CSMD1: variants seen among roughly 807,000 people sequenced by gnomAD.
CSMD1 encodes CUB and Sushi multiple domains 1, also known as CUB and sushi domain-containing protein 1.
CSMD1 carries 213 observed loss-of-function variants against 417.5 expected under a neutral mutation model. That is an observed-to-expected ratio of 0.51 (90% confidence interval 0.46 to 0.57). The LOEUF is 0.57. Ranked by LOEUF, CSMD1 falls within the 20% of genes least tolerant of loss-of-function variation. CSMD1 has a pLI of 0.00. For synonymous variants in CSMD1, 2,862 were observed against 1,736.8 expected (o/e 1.65, Z -16.11); for missense variants, 6,923 against 4,529.7 (o/e 1.53, Z -15.17).
At chr8:4,010,580 G>T (rs1287320275) in intron 4 of CSMD1, among the ~76,000 whole-genome samples, 3 of 151,172 alleles carry the variant, frequency 2.0e-5, no homozygotes, top group African/African-American at 4.9e-5. Flanking sequence ...TTCTACAGCT[G>T]CAGTCTGACT....
At chr8:3,842,926 G>T (rs1202988461) in intron 5 of CSMD1, among the ~76,000 whole-genome samples, 1 of 152,116 alleles carries the variant, frequency 6.6e-6, no homozygotes, top group African/African-American at 2.4e-5. Flanking sequence ...ACGCACTGAA[G>T]ATGTTCCTAG....
chr8:3,418,403 T>C (rs1471910786), intron 12 of CSMD1, among the ~76,000 whole-genome samples: 1 of 152,196 alleles, frequency 6.6e-6, no homozygotes, highest in Non-Finnish European at 1.5e-5. Context: ...TTGTTGGTGA[T>C]CCTGCCCAGA....
At position 4,376,715 on chromosome 8, in the gene CSMD1, T is replaced by C. The variant is rs150109004; in HGVS notation, c.415+43238A>G. ...TAATTCTTTAATCTTTGCAAACTGATTGCATTTTAACTTGCACTGCTTTAT... is the reference window on the plus strand; with the variant it reads ...TAATTCTTTAATCTTTGCAAACTGACTGCATTTTAACTTGCACTGCTTTAT... On this transcript the variant is annotated intron_variant, in intron 3 of 69. Coordinates refer to ENST00000635120, the MANE Select transcript of CSMD1 (RefSeq NM_033225.6). Among the ~76,000 whole-genome samples, 311 of 152,338 alleles carry C rather than the reference T, an allele frequency of 2.0e-3. 1 individual carries two copies. Among genetic ancestry groups the C allele is most frequent in the African/African-American group, 7.0e-3 (290 of 41,580 alleles).
intron 18 of CSMD1, chr8:3,375,330 T>A (rs1365683659): frequency 6.6e-6 from 1 of 152,216 alleles, no homozygotes; most frequent in Non-Finnish European, 1.5e-5. Context: ...TCTGCAAGTC[T>A]GCCTCTTCCT....
chr8:4,035,152 C>T (rs1022126658), intron 3 of CSMD1, among the ~76,000 whole-genome samples: 2 of 150,958 alleles, frequency 1.3e-5, no homozygotes, highest in Admixed American at 1.3e-4. Flanking sequence ...AACATCGGTC[C>T]CAGGAGATGA....
intron 1 of CSMD1, among the ~76,000 whole-genome samples, chr8:4,672,281 C>G (rs1025510953): frequency 1.3e-5 from 2 of 152,122 alleles, no homozygotes; most frequent in African/African-American, 4.8e-5. Flanking sequence ...CTCTTGTGCT[C>G]TCCCAAATGA....
rs541826626 is a variant in CSMD1, at chr8:4,581,747, A to C, written c.302+55595T>G. 3.9e-3 allele frequency among the ~76,000 whole-genome samples: 592 copies of C among 152,336 alleles called. 4 individuals carry two copies. Among genetic ancestry groups the C allele is most frequent in the South Asian group, 0.019 (91 of 4,832 alleles). The stretch of plus-strand genomic sequence containing the variant: ...AGAATTCCCAGAGGGCCCTCACCTC[A>C]GACCAACAAGACCATCTTGGCAGAC... On this transcript the variant is annotated intron_variant, in intron 2 of 69. Coordinates refer to ENST00000635120, the MANE Select transcript of CSMD1 (RefSeq NM_033225.6).
chr8:4,310,840 T>G (rs1159441326), intron 3 of CSMD1, among the ~76,000 whole-genome samples: 2 of 152,066 alleles, frequency 1.3e-5, no homozygotes, highest in African/African-American at 2.4e-5. Context: ...CAAGACTATC[T>G]CAAAAGAAAT....
intron 2 of CSMD1, among the ~76,000 whole-genome samples, chr8:4,519,594 G>A (rs1166675874): frequency 2.0e-5 from 3 of 151,070 alleles, no homozygotes; most frequent in Non-Finnish European, 2.9e-5. Flanking sequence ...ACCAAAATTA[G>A]CCCGACATGG....
rs180980050 is a variant in CSMD1, at chr8:4,294,904, A to T, written c.415+125049T>A. On this transcript the variant is annotated intron_variant, in intron 3 of 69. Coordinates refer to ENST00000635120, the MANE Select transcript of CSMD1 (RefSeq NM_033225.6). ...GTAGCTGTCAATGTGTATGGAACGA[A>T]AGCCTCAGGTAACCATGTGGTCCTA... Among the ~76,000 whole-genome samples, 16 of 151,840 alleles carry T rather than the reference A, an allele frequency of 1.1e-4. No individual in the cohort carries two copies. In the East Asian group the frequency reaches 2.7e-3, roughly 26 times the overall value.
intron 2 of CSMD1, among the ~76,000 whole-genome samples, chr8:4,543,820 C>A (rs1797516114): frequency 6.6e-6 from 1 of 151,838 alleles, no homozygotes; most frequent in Non-Finnish European, 1.5e-5. Context: ...TGAATTTTAA[C>A]CATTCTACTA....
At chr8:3,448,670 G>A (rs1254602280) in intron 12 of CSMD1, among the ~76,000 whole-genome samples, 2 of 152,062 alleles carry the variant, frequency 1.3e-5, no homozygotes, top group Non-Finnish European at 1.5e-5. Context: ...GGCCAAGTGG[G>A]CATGACCCAT....
intron 1 of CSMD1, among the ~76,000 whole-genome samples, chr8:4,831,457 C>T (rs1431256010): frequency 1.3e-5 from 2 of 152,082 alleles, no homozygotes; most frequent in African/African-American, 2.4e-5. Context: ...ATTCTATGTG[C>T]CAAGCATTTT....
At chr8:3,878,537 G>A (rs1450057750) in intron 5 of CSMD1, among the ~76,000 whole-genome samples, 1 of 152,108 alleles carries the variant, frequency 6.6e-6, no homozygotes, top group African/African-American at 2.4e-5. Context: ...AAATGAAAAA[G>A]GAAATTATAT....
intron 3 of CSMD1, among the ~76,000 whole-genome samples, chr8:4,113,092 A>G (rs1801943168): frequency 1.3e-5 from 2 of 152,166 alleles, no homozygotes; most frequent in Non-Finnish European, 2.9e-5. Context: ...GTGAACTTAA[A>G]TGATTAATGT....
intron 5 of CSMD1, among the ~76,000 whole-genome samples, chr8:3,755,359 G>A (rs1050745079): frequency 6.6e-6 from 1 of 152,192 alleles, no homozygotes; most frequent in Non-Finnish European, 1.5e-5. Flanking sequence ...ACATGTAAAT[G>A]TACCTGAAGC....
chr8:4,306,504 A>T (rs78568258), intron 3 of CSMD1, among the ~76,000 whole-genome samples: 114,761 of 151,908 alleles, frequency 0.76, 43,472 homozygotes, highest in East Asian at 0.85. Flanking sequence ...TCATTTCTAG[A>T]ACCACTGATA....
chr8:4,214,565 T>C (rs1174007784), intron 3 of CSMD1, among the ~76,000 whole-genome samples: 1 of 152,200 alleles, frequency 6.6e-6, no homozygotes, highest in Non-Finnish European at 1.5e-5. Flanking sequence ...CCCAAAGTGC[T>C]GGAATTACAG....
chr8:4,740,211 G>A (rs968248136), intron 1 of CSMD1, among the ~76,000 whole-genome samples: 8 of 152,184 alleles, frequency 5.3e-5, no homozygotes, highest in African/African-American at 1.9e-4. Context: ...TTCACCCCAG[G>A]AACAAGTGGA....
Sources: allele counts gnomAD v4.1 joint callset (sites outside exome capture counted in the v4.1 genomes callset), GRCh38; gene constraint gnomAD v4.1.1; transcripts MANE v1.5; gene names NCBI Gene and HGNC (gene_info 2026-07-23, HGNC 2026-07-21).